Variants in FNBP1 observed in about 807,000 individuals in gnomAD.
The protein encoded by FNBP1 is formin-binding protein 1.
FNBP1 carries 26 observed loss-of-function variants against 90.6 expected under a neutral mutation model. That is an observed-to-expected ratio of 0.29 (90% CI 0.21 to 0.40). The LOEUF is 0.40. Ranked by LOEUF, FNBP1 falls within the 10% of genes least tolerant of loss-of-function variation. The pLI is 1.00. For synonymous variants in FNBP1, 260 were observed against 265.2 expected (o/e 0.98, Z 0.19); for missense variants, 635 against 768.0 (o/e 0.83, Z 2.05).
intron 1 of FNBP1, among the ~76,000 whole-genome samples, chr9:130,034,439 T>C (rs1174020017): frequency 6.6e-6 from 1 of 151,924 alleles, no homozygotes; most frequent in Non-Finnish European, 1.5e-5. Context: ...GCCATGTTTG[T>C]GCCACTGCAC....
chr9:129,924,844 G>T, intron 9 of FNBP1, 116 bp downstream of exon 9: 4 of 885,262 alleles, frequency 4.5e-6, no homozygotes, highest in Non-Finnish European at 6.9e-6. Context: ...TAGCACACTA[G>T]CTTCTTCTTT....
At chr9:129,958,786 C>T (rs78058713) in intron 4 of FNBP1, among the ~76,000 whole-genome samples, 10,973 of 151,040 alleles carry the variant, frequency 0.073, 487 homozygotes, top group Admixed American at 0.12. Context: ...TTCAAGACAG[C>T]CTGGGCAACA....
chr9:129,912,925 A>G (rs2039584619), intron 11 of FNBP1, among the ~76,000 whole-genome samples: 1 of 152,186 alleles, frequency 6.6e-6, no homozygotes, highest in African/African-American at 2.4e-5. Flanking sequence ...TTAATTAATT[A>G]AAACTCAACA....
chr9:129,892,416 C>CACACACACACACACAA (rs386416323), intron 16 of FNBP1, among the ~76,000 whole-genome samples: 3 of 134,638 alleles, frequency 2.2e-5, no homozygotes, highest in African/African-American at 5.5e-5. Flanking sequence ...CACACACACA[C>CACACACACACACACAA]AAAAAGGTTG....
At chr9:129,912,135 C>T (rs1390587238) in intron 11 of FNBP1, among the ~76,000 whole-genome samples, 2 of 151,968 alleles carry the variant, frequency 1.3e-5, no homozygotes, top group East Asian at 1.9e-4. Context: ...CCCTCAACCC[C>T]CAGGATCAGC....
At chr9:129,976,764 A>G (rs1488882316) in intron 4 of FNBP1, among the ~76,000 whole-genome samples, 1 of 152,186 alleles carries the variant, frequency 6.6e-6, no homozygotes, top group Non-Finnish European at 1.5e-5. Context: ...TGTGGCAACT[A>G]CCATAATTGC....
Position 129,891,521 on chromosome 9 carries a change from A to G in FNBP1, c.1847-975T>C, listed in dbSNP as rs59606857. Among the ~76,000 whole-genome samples the G allele has an allele frequency of 7.0e-3, 1,061 of 152,324 alleles. 14 individuals carry two copies. The highest frequency in any genetic ancestry group is 0.024 in the African/African-American group (1,018 of 41,578). ...AATTTCCTAGAATGGTACAAGGAAC[A>G]TGAAGGTCCAATTCTCTCAGAAGGA... On this transcript the variant is annotated intron_variant, in intron 16 of 16. Transcript: ENST00000446176.
chr9:130,002,624 T>G (rs1406712914), intron 1 of FNBP1, among the ~76,000 whole-genome samples: 5 of 152,216 alleles, frequency 3.3e-5, no homozygotes, highest in African/African-American at 9.6e-5. Flanking sequence ...GCAGGTGCCT[T>G]ATCTTGAACT....
chr9:129,903,824 T>G (rs549570364), intron 12 of FNBP1, among the ~76,000 whole-genome samples: 1 of 152,110 alleles, frequency 6.6e-6, no homozygotes, highest in African/African-American at 2.4e-5. Flanking sequence ...AGCCACCGAA[T>G]CTGGCTTCAA....
At chr9:130,026,965 CAAA>C (rs765168982) in intron 1 of FNBP1, among the ~76,000 whole-genome samples, 9 of 76,050 alleles carry the variant, frequency 1.2e-4, no homozygotes, top group Non-Finnish European at 1.1e-4. Flanking sequence ...GACCCTGTCT[CAAA>C]AAAAAAAAAA....
In FNBP1 at chr9:129,893,914, CAAAAAA is replaced by C. The variant is rs34164874; in HGVS notation, c.1846+1918_1846+1923del. On this transcript the variant is annotated intron_variant, in intron 16 of 16. Transcript: ENST00000446176. ...CTGGCGACAGAGCGAGACTCCATCTCAAAAAAAAAAAAAAAAAAAGTTTTTTAAAAA... is the reference window on the plus strand; with the variant it reads ...CTGGCGACAGAGCGAGACTCCATCTCAAAAAAAAAAAAAGTTTTTTAAAAA... Among the ~76,000 whole-genome samples, 367 of 115,812 alleles carry C rather than the reference CAAAAAA, an allele frequency of 3.2e-3. 1 individual carries two copies. Among genetic ancestry groups the C allele is most frequent in the Middle Eastern group, 4.2e-3 (1 of 236 alleles). The allele number at this position is 115,812 out of a possible 152,430, so 76.0% of individuals were successfully genotyped here.
chr9:129,957,499 G>A lies in FNBP1; in HGVS notation c.409-35C>T. 1 of 1,426,992 alleles carries A rather than the reference G, an allele frequency of 7.0e-7. No individual in the cohort carries two copies. Among genetic ancestry groups the A allele is most frequent in the Non-Finnish European group, 9.8e-7 (1 of 1,016,638 alleles). The allele number at this position is 1,426,992 out of a possible 1,614,324, so 88.4% of individuals were successfully genotyped here. A position where few individuals can be genotyped will look rare whatever the true frequency, so the allele number is the denominator to read the frequency against. On this transcript the variant is annotated intron_variant, in intron 5 of 16. Coordinates refer to ENST00000446176, the MANE Select transcript of FNBP1 (RefSeq NM_015033.3). The surrounding 1 kb of genome is among the most constrained non-coding windows in gnomAD (Gnocchi z 4.3). ...GAGGAAAATAATTATGAAACCATAA[G>A]AGTCCTACGAGAAGATGTAATTTTA...
intron 7 of FNBP1, among the ~76,000 whole-genome samples, chr9:129,928,927 T>C (rs1293337409): frequency 1.3e-5 from 2 of 151,750 alleles, no homozygotes; most frequent in Non-Finnish European, 2.9e-5. Flanking sequence ...CCTATCTCTA[T>C]AAAAAATTTA....
Position 129,957,315 on chromosome 9 carries a change from G to A in FNBP1, c.513+45C>T, listed in dbSNP as rs1281538834. 1 of 1,379,540 alleles carries A rather than the reference G, an allele frequency of 7.2e-7. No individual in the cohort carries two copies. Among genetic ancestry groups the A allele is most frequent in the Non-Finnish European group, 1.0e-6 (1 of 971,164 alleles). 85.5% of individuals were successfully genotyped at this position (1,379,540 alleles called of 1,614,324 possible). ...AGCCTCCCAAAGTGCTGGGATTACA[G>A]GCGTGAGCCACCGTGCCCGGCCCAC... is the stretch of plus-strand genomic sequence containing the variant. On this transcript the variant is annotated intron_variant, in intron 6 of 16. Coordinates refer to ENST00000446176, the MANE Select transcript of FNBP1 (RefSeq NM_015033.3). The surrounding 1 kb of genome is among the most constrained non-coding windows in gnomAD (Gnocchi z 4.3).
intron 2 of FNBP1, among the ~76,000 whole-genome samples, chr9:129,993,541 T>C (rs1331076360): frequency 2.7e-5 from 4 of 148,300 alleles, no homozygotes; most frequent in African/African-American, 9.9e-5. Context: ...TCTTGAAGTC[T>C]CTGGGCTCAC....
At chr9:129,987,413 G>C (rs2131120747) in intron 2 of FNBP1, among the ~76,000 whole-genome samples, 1 of 152,068 alleles carries the variant, frequency 6.6e-6, no homozygotes, top group Middle Eastern at 3.4e-3. Flanking sequence ...AGCAAAACAT[G>C]TATATATTAT....
chr9:130,048,620 A>G, the FNBP1 span, among the ~76,000 whole-genome samples: 1 of 150,716 alleles, frequency 6.6e-6, no homozygotes, highest in African/African-American at 2.4e-5. Context: ...CTGGGACTAC[A>G]GGCGCCCGCC....
chr9:130,043,302 G>A (rs1487995104), upstream of FNBP1: 1 of 205,834 alleles, frequency 4.9e-6, no homozygotes, highest in Admixed American at 6.0e-5. Context: ...CCCCGGCCCG[G>A]CCCCCTCCCC....
intron 1 of FNBP1, among the ~76,000 whole-genome samples, chr9:130,008,667 T>C (rs900222086): frequency 1.3e-5 from 2 of 152,192 alleles, no homozygotes; most frequent in Non-Finnish European, 2.9e-5. Context: ...TTCTGGTTCA[T>C]TTCCTGATTT....
Sources: allele counts gnomAD v4.1 joint callset (sites outside exome capture counted in the v4.1 genomes callset), GRCh38; gene constraint gnomAD v4.1.1; non-coding constraint Gnocchi (gnomAD v3.1); transcripts MANE v1.5; gene names NCBI Gene and HGNC (gene_info 2026-07-23, HGNC 2026-07-21).